The following THSD4 variants were observed in gnomAD, a reference collection of about 807,000 sequenced individuals.
The protein encoded by THSD4 is thrombospondin type 1 domain containing 4.
Under a neutral mutation model 119.0 loss-of-function variants are expected in THSD4, and 69 were observed. The observed-to-expected ratio is 0.58, with a 90% confidence interval of 0.48 to 0.71. The LOEUF (loss-of-function observed/expected upper bound fraction) is 0.71. THSD4 is among the 30% of genes least tolerant of loss of function. The pLI, the probability that THSD4 is intolerant of heterozygous loss-of-function variation, is 0.00. For missense variants in THSD4, 1,393 were observed against 1,391.1 expected (o/e 1.00, Z -0.02); for synonymous variants, 524 against 540.4 (o/e 0.97, Z 0.42).
At chr15:71,354,163 G>A (rs1285877309) in intron 6 of THSD4, among the ~76,000 whole-genome samples, 1 of 152,166 alleles carries the variant, frequency 6.6e-6, no homozygotes, top group African/African-American at 2.4e-5. Flanking sequence ...AGATGTGGTG[G>A]CATTTACCTG....
At chr15:71,603,898 A>AG (rs1015736190) in intron 7 of THSD4, among the ~76,000 whole-genome samples, 2 of 152,208 alleles carry the variant, frequency 1.3e-5, no homozygotes, top group Non-Finnish European at 2.9e-5. Context: ...GCATGAGTTA[A>AG]GGAGAATTCA....
At chr15:71,381,586 C>T (rs2046229635) in intron 6 of THSD4, among the ~76,000 whole-genome samples, 1 of 152,166 alleles carries the variant, frequency 6.6e-6, no homozygotes, top group Non-Finnish European at 1.5e-5. Context: ...CATGAACCTC[C>T]TTGGACACAA....
intron 6 of THSD4, among the ~76,000 whole-genome samples, chr15:71,392,454 G>A (rs2046390502): frequency 6.6e-6 from 1 of 152,184 alleles, no homozygotes; most frequent in Admixed American, 6.5e-5. Context: ...AGCTTATTAA[G>A]TAGAAGAACT....
At chr15:71,201,581 A>G (rs2043803932) in intron 3 of THSD4, among the ~76,000 whole-genome samples, 1 of 152,190 alleles carries the variant, frequency 6.6e-6, no homozygotes, top group Non-Finnish European at 1.5e-5. Context: ...GTGGTTTTTA[A>G]TACAGTGATA....
chr15:71,631,307 G>C (rs1330597544), intron 7 of THSD4, among the ~76,000 whole-genome samples: 5 of 152,288 alleles, frequency 3.3e-5, no homozygotes, highest in African/African-American at 1.2e-4. Flanking sequence ...TTGAAAAGGA[G>C]AGAGCTTTGA....
intron 7 of THSD4, among the ~76,000 whole-genome samples, chr15:71,578,413 T>C (rs2049496087): frequency 2.6e-5 from 4 of 152,244 alleles, no homozygotes; most frequent in Admixed American, 2.6e-4. Flanking sequence ...ATTTGGATTC[T>C]GCCATTGATT....
chr15:71,754,297 C>T (rs905701867), intron 14 of THSD4, among the ~76,000 whole-genome samples: 1 of 152,044 alleles, frequency 6.6e-6, no homozygotes, highest in African/African-American at 2.4e-5. Flanking sequence ...ACTATGTTGG[C>T]CAGGCTGGTC....
At chr15:71,566,443 T>G (rs1458176596) in intron 7 of THSD4, among the ~76,000 whole-genome samples, 1 of 152,136 alleles carries the variant, frequency 6.6e-6, no homozygotes, top group Non-Finnish European at 1.5e-5. Context: ...TCCTTTAATC[T>G]CCACCAGAGC....
intron 1 of THSD4, among the ~76,000 whole-genome samples, chr15:71,135,392 C>CAAA (rs1170278742): frequency 0.021 from 2,588 of 122,436 alleles, 99 homozygotes; most frequent in African/African-American, 0.075. Flanking sequence ...TACTAAATGA[C>CAAA]AAAAAAAAAA....
At chr15:71,719,418 T>A (rs954688531) in intron 8 of THSD4, among the ~76,000 whole-genome samples, 1 of 152,246 alleles carries the variant, frequency 6.6e-6, no homozygotes, top group African/African-American at 2.4e-5. Flanking sequence ...GGACATTACA[T>A]CAAACTAGAC....
intron 6 of THSD4, 146 bp downstream of exon 6, chr15:71,256,861 C>A: frequency 3.0e-6 from 2 of 671,564 alleles, no homozygotes; most frequent in Admixed American, 6.1e-5. Context: ...CAAAGAGAAG[C>A]CTGCATGGGT....
intron 7 of THSD4, among the ~76,000 whole-genome samples, chr15:71,459,356 C>CTCTCTG (rs1566991503): frequency 8.5e-5 from 12 of 140,468 alleles, no homozygotes; most frequent in Admixed American, 6.7e-4. Context: ...GTCTCTCTCT[C>CTCTCTG]TCTCTCTGTC....
chr15:71,511,945 A>T (rs965354758), intron 7 of THSD4, among the ~76,000 whole-genome samples: 1 of 152,178 alleles, frequency 6.6e-6, no homozygotes, highest in Admixed American at 6.6e-5. Flanking sequence ...AGGGAGGGTG[A>T]TATACATGAA....
chr15:71,532,241 CACTG>C (rs999458900), intron 7 of THSD4, among the ~76,000 whole-genome samples: 4 of 135,128 alleles, frequency 3.0e-5, no homozygotes, highest in African/African-American at 1.0e-4. Context: ...AAACTCTTAG[CACTG>C]ACTGAAACAA....
At position 71,387,353 on chromosome 15, in the gene THSD4, A is replaced by G. The variant is rs148590327; in HGVS notation, c.1016-24334A>G. Among the ~76,000 whole-genome samples the G allele has an allele frequency of 3.0e-3, 455 of 152,290 alleles. 3 individuals are homozygous for G. Among genetic ancestry groups the G allele is most frequent in the African/African-American group, 0.011 (441 of 41,556 alleles). On this transcript the variant is annotated intron_variant, in intron 6 of 17. Transcript: ENST00000261862. ...ATTCTCTCCAAACCAAATGGTACCC[A>G]AGAATCGGGGCTTACACGGGGTTTC...
intron 5 of THSD4, among the ~76,000 whole-genome samples, chr15:71,250,729 A>G (rs987646825): frequency 6.6e-6 from 1 of 152,186 alleles, no homozygotes; most frequent in Non-Finnish European, 1.5e-5. Flanking sequence ...TAATATAAAT[A>G]GGCAGTCATA....
At chr15:71,328,120 T>C (rs568209401) in intron 6 of THSD4, among the ~76,000 whole-genome samples, 160 of 152,342 alleles carry the variant, frequency 1.1e-3, no homozygotes, top group African/African-American at 3.6e-3. Context: ...GGGAGAACCA[T>C]GGTGACCCTC....
At chr15:71,352,989 G>C (rs1476905450) in intron 6 of THSD4, among the ~76,000 whole-genome samples, 1 of 152,256 alleles carries the variant, frequency 6.6e-6, no homozygotes, top group African/African-American at 2.4e-5. Context: ...GGTTGGGTAG[G>C]TGGGACGATT....
chr15:71,249,158 A>G (rs528931740), intron 5 of THSD4, among the ~76,000 whole-genome samples: 20 of 152,136 alleles, frequency 1.3e-4, no homozygotes, highest in Admixed American at 8.5e-4. Context: ...TGAATCACAC[A>G]CATATGTATA....
Sources: allele counts gnomAD v4.1 joint callset (sites outside exome capture counted in the v4.1 genomes callset), GRCh38; gene constraint gnomAD v4.1.1; transcripts MANE v1.5; gene names NCBI Gene and HGNC (gene_info 2026-07-23, HGNC 2026-07-21).